The following ATP8A2 variants were observed in gnomAD, a reference collection of about 807,000 sequenced individuals.
ATP8A2 encodes the protein ATPase phospholipid transporting 8A2.
ATP8A2 carries 100 observed loss-of-function variants against 165.6 expected under a neutral mutation model. The ratio of observed to expected loss-of-function variants is 0.60; its 90% CI spans 0.51 to 0.71. The LOEUF (loss-of-function observed/expected upper bound fraction) is 0.71. Among genes scored for constraint, ATP8A2 ranks in the 30% least tolerant of loss-of-function variants. The pLI is 0.00. For synonymous variants in ATP8A2, 543 were observed against 548.8 expected, an observed-to-expected ratio of 0.99 and a Z score of 0.15; for missense variants, 1,227 against 1,479.5, an observed-to-expected ratio of 0.83 and a Z score of 2.80.
intron 24 of ATP8A2, among the ~76,000 whole-genome samples, chr13:25,603,470 CAA>C (rs60241678): frequency 0.059 from 6,981 of 118,500 alleles, 518 homozygotes; most frequent in African/African-American, 0.19. Flanking sequence ...GACTCTGTCT[CAA>C]AAAAAAAAAA....
chr13:25,904,743 G>A (rs1016281859), intron 33 of ATP8A2, among the ~76,000 whole-genome samples: 2 of 152,264 alleles, frequency 1.3e-5, no homozygotes, highest in South Asian at 2.1e-4. Flanking sequence ...AACACATTGT[G>A]TGTCATATCC....
chr13:25,983,909 A>G (rs921428911), intron 35 of ATP8A2, among the ~76,000 whole-genome samples: 5 of 152,116 alleles, frequency 3.3e-5, no homozygotes, highest in Admixed American at 2.0e-4. Flanking sequence ...GTAGTGAAGC[A>G]GGGGACGAGA....
At chr13:25,823,984 T>G (rs1951244735) in intron 27 of ATP8A2, among the ~76,000 whole-genome samples, 1 of 152,184 alleles carries the variant, frequency 6.6e-6, no homozygotes, top group African/African-American at 2.4e-5. Flanking sequence ...TCAGTTCTTT[T>G]TTTTGAGGCA....
chr13:25,673,499 A>G (rs1473619382), intron 24 of ATP8A2, among the ~76,000 whole-genome samples: 1 of 152,236 alleles, frequency 6.6e-6, no homozygotes, highest in Non-Finnish European at 1.5e-5. Context: ...AGTCAAACAT[A>G]TTTTAACAAA....
chr13:25,931,681 G>A (rs992532257), intron 33 of ATP8A2, among the ~76,000 whole-genome samples: 2 of 152,164 alleles, frequency 1.3e-5, no homozygotes, highest in Admixed American at 6.5e-5. Context: ...CTTGAGCTGG[G>A]GGAAGAATCT....
chr13:25,818,380 A>G (rs976322765), intron 27 of ATP8A2, among the ~76,000 whole-genome samples: 2 of 152,336 alleles, frequency 1.3e-5, no homozygotes, highest in East Asian at 1.9e-4. Context: ...GTTAGTAGCC[A>G]TAAATACTGA....
intron 36 of ATP8A2, among the ~76,000 whole-genome samples, chr13:26,019,518 A>G (rs1270822996): frequency 2.0e-5 from 3 of 152,248 alleles, no homozygotes; most frequent in Non-Finnish European, 4.4e-5. Context: ...GCCCTACAGC[A>G]TCAGGCAGAC....
intron 30 of ATP8A2, among the ~76,000 whole-genome samples, chr13:25,852,272 A>G (rs892592432): frequency 1.3e-5 from 2 of 152,160 alleles, no homozygotes; most frequent in African/African-American, 4.8e-5. Context: ...TGCTACTGGC[A>G]TCTAGCGGGT....
chr13:25,757,942 C>T lies in ATP8A2; in HGVS notation c.2385-11104C>T, dbSNP rs551620365. 7.3e-4 allele frequency among the ~76,000 whole-genome samples: 111 copies of T among 152,288 alleles called. 1 individual carries two copies. The highest frequency in any genetic ancestry group is 2.6e-3 in the African/African-American group (107 of 41,562). ...GCTGGCTCCATGCTGCAGCTTCCAG[C>T]CCAGGTGAGTGAGGCAGTTGTTGGA... is the stretch of plus-strand genomic sequence containing the variant. On this transcript the variant is annotated intron_variant, in intron 25 of 36. Coordinates refer to ENST00000381655, the MANE Select transcript of ATP8A2 (RefSeq NM_016529.6).
chr13:25,398,213 T>C (rs1360405446), intron 1 of ATP8A2, among the ~76,000 whole-genome samples: 1 of 152,218 alleles, frequency 6.6e-6, no homozygotes, highest in South Asian at 2.1e-4. Flanking sequence ...GTAAATACTT[T>C]GATTACCTTT....
chr13:25,444,698 T>G (rs1239772695), intron 1 of ATP8A2, among the ~76,000 whole-genome samples: 1 of 151,460 alleles, frequency 6.6e-6, no homozygotes. Context: ...CAGGCTGGAG[T>G]GCAATGGTGT....
At chr13:25,960,510 T>C (rs192744967) in intron 33 of ATP8A2, among the ~76,000 whole-genome samples, 57 of 152,166 alleles carry the variant, frequency 3.7e-4, no homozygotes, top group Non-Finnish European at 7.2e-4. Flanking sequence ...GGACCAAATG[T>C]TTGAGGCCTC....
At chr13:25,847,344 GC>G (rs1566198202) in intron 30 of ATP8A2, among the ~76,000 whole-genome samples, 1 of 152,146 alleles carries the variant, frequency 6.6e-6, no homozygotes, top group Admixed American at 6.5e-5. Flanking sequence ...GTTTTAAACC[GC>G]AGTTATGAAC....
intron 25 of ATP8A2, among the ~76,000 whole-genome samples, chr13:25,710,576 G>A (rs952689245): frequency 3.9e-5 from 6 of 152,170 alleles, no homozygotes; most frequent in Admixed American, 2.6e-4. Flanking sequence ...TAACCACACT[G>A]CTTGTCAGGC....
At chr13:25,695,049 G>A (rs1459760355) in intron 24 of ATP8A2, among the ~76,000 whole-genome samples, 1 of 151,790 alleles carries the variant, frequency 6.6e-6, no homozygotes, top group Non-Finnish European at 1.5e-5. Context: ...TTCGTCTATT[G>A]CAGGCATACC....
chr13:25,853,399 ATATATATATATG>A (rs1001086896), intron 30 of ATP8A2, among the ~76,000 whole-genome samples: 5 of 56,690 alleles, frequency 8.8e-5, no homozygotes, highest in African/African-American at 2.2e-4. Flanking sequence ...TAAAAAAAAT[ATATATATATATG>A]TATATATATA....
chr13:25,894,225 G>T (rs1264858599), intron 33 of ATP8A2, among the ~76,000 whole-genome samples: 1 of 152,222 alleles, frequency 6.6e-6, no homozygotes, highest in East Asian at 1.9e-4. Flanking sequence ...GTGTAAGGAA[G>T]GGATCCAGTT....
intron 24 of ATP8A2, among the ~76,000 whole-genome samples, chr13:25,593,933 A>G (rs140057411): frequency 3.9e-5 from 6 of 152,342 alleles, no homozygotes; most frequent in Non-Finnish European, 5.9e-5. Context: ...GCCTTGCTCA[A>G]TGTGTGTGCT....
chr13:25,730,095 G>A (rs1208866349), intron 25 of ATP8A2, among the ~76,000 whole-genome samples: 1 of 152,118 alleles, frequency 6.6e-6, no homozygotes, highest in East Asian at 1.9e-4. Context: ...TTTGAGACCA[G>A]CGTGAACAAT....
Sources: allele counts gnomAD v4.1 joint callset (sites outside exome capture counted in the v4.1 genomes callset), GRCh38; gene constraint gnomAD v4.1.1; transcripts MANE v1.5; gene names NCBI Gene and HGNC (gene_info 2026-07-23, HGNC 2026-07-21).